The following RNF4 variants were observed in gnomAD, a reference collection of about 807,000 sequenced individuals.
RNF4 encodes the protein ring finger protein 4.
In RNF4, 7 loss-of-function variants were observed where a neutral mutation model predicts 24.3. The ratio of observed to expected loss-of-function variants is 0.29; its 90% CI spans 0.16 to 0.54. The LOEUF (loss-of-function observed/expected upper bound fraction) is 0.54, where lower values mean the gene tolerates loss of function less well. Among genes scored for constraint, RNF4 ranks in the 20% least tolerant of loss-of-function variants. The probability of loss-of-function intolerance (pLI) is 0.95; values close to 1 mark genes in which losing one functional copy is unlikely to be tolerated. For missense variants in RNF4, 209 were observed against 248.5 expected (o/e 0.84, Z 1.07); for synonymous variants, 83 against 84.3 (o/e 0.98, Z 0.09).
chr4:2,491,504 A>C (rs1712471370), intron 2 of RNF4, among the ~76,000 whole-genome samples: 1 of 152,018 alleles, frequency 6.6e-6, no homozygotes, highest in Admixed American at 6.6e-5. Context: ...GTACAGTGGT[A>C]CCATCTCGGC....
intron 4 of RNF4, among the ~76,000 whole-genome samples, chr4:2,508,265 C>T (rs964331139): frequency 2.0e-5 from 3 of 152,194 alleles, no homozygotes; most frequent in Non-Finnish European, 4.4e-5. Flanking sequence ...ATCTTAAAAG[C>T]CTCTCAAATA....
intron 1 of RNF4, chr4:2,489,908 G>C (rs1339523515): frequency 6.5e-6 from 1 of 152,948 alleles, no homozygotes; most frequent in East Asian, 1.9e-4. Context: ...GCTTTAGAGT[G>C]AGTGGCTCTT....
chr4:2,486,417 A>T (rs955215880), intron 1 of RNF4, among the ~76,000 whole-genome samples: 3 of 151,142 alleles, frequency 2.0e-5, no homozygotes, highest in African/African-American at 7.3e-5. Flanking sequence ...CTCCTGTCTC[A>T]CCTCAGTGCC....
intron 1 of RNF4, among the ~76,000 whole-genome samples, chr4:2,486,632 G>C (rs115079532): frequency 4.3e-4 from 66 of 152,296 alleles, no homozygotes; most frequent in African/African-American, 1.5e-3. Flanking sequence ...GGGCCTGCAG[G>C]GATGCAGGAG....
chr4:2,483,578 C>G (rs553132420), intron 1 of RNF4, among the ~76,000 whole-genome samples: 326 of 152,188 alleles, frequency 2.1e-3, no homozygotes, highest in African/African-American at 7.0e-3. Context: ...TCAAGGTGGG[C>G]AGATCACTTG....
At chr4:2,473,800 G>A (rs935079488) in intron 1 of RNF4, among the ~76,000 whole-genome samples, 1 of 151,742 alleles carries the variant, frequency 6.6e-6, no homozygotes, top group Admixed American at 6.6e-5. Flanking sequence ...GACAGAGCGA[G>A]ACTCTGTCTA....
chr4:2,491,936 T>C (rs888992828), intron 2 of RNF4, among the ~76,000 whole-genome samples: 1 of 151,264 alleles, frequency 6.6e-6, no homozygotes, highest in East Asian at 2.0e-4. Context: ...CGGTGGCTTA[T>C]GCCTGTAATC....
intron 2 of RNF4, among the ~76,000 whole-genome samples, chr4:2,491,563 C>T (rs183046346): frequency 3.9e-5 from 6 of 152,274 alleles, no homozygotes; most frequent in Admixed American, 2.0e-4. Context: ...CTGCCTCAGC[C>T]TCCGGAGTAG....
At chr4:2,476,866 C>A (rs1418311301) in intron 1 of RNF4, among the ~76,000 whole-genome samples, 1 of 151,554 alleles carries the variant, frequency 6.6e-6, no homozygotes, top group Non-Finnish European at 1.5e-5. Flanking sequence ...ACTTCAACCT[C>A]CACCTCCTGG....
chr4:2,479,359 A>G (rs1735178405), intron 1 of RNF4, among the ~76,000 whole-genome samples: 1 of 152,052 alleles, frequency 6.6e-6, no homozygotes, highest in Non-Finnish European at 1.5e-5. Flanking sequence ...AAATGTGAGG[A>G]CATAAGATTT....
intron 4 of RNF4, among the ~76,000 whole-genome samples, chr4:2,507,462 T>A (rs1457160620): frequency 1.3e-5 from 2 of 152,210 alleles, no homozygotes; most frequent in Non-Finnish European, 2.9e-5. Flanking sequence ...CTGCATGATG[T>A]GTGTAGCTGT....
chr4:2,500,877 A>C (rs938759810), intron 4 of RNF4, 139 bp downstream of exon 4: 34 of 710,068 alleles, frequency 4.8e-5, no homozygotes. Flanking sequence ...TGTGGAATTG[A>C]GCTTTTAGAA....
intron 2 of RNF4, chr4:2,490,868 AG>A (rs1735559094): frequency 5.7e-6 from 1 of 175,548 alleles, no homozygotes; most frequent in Non-Finnish European, 1.2e-5. Context: ...GGAGGCGTGA[AG>A]GTAAAAAGAT....
intron 2 of RNF4, 52 bp downstream of exon 2, chr4:2,490,554 C>A (rs1338786606): frequency 1.3e-5 from 20 of 1,568,422 alleles, no homozygotes; most frequent in Non-Finnish European, 1.7e-5. Flanking sequence ...AATTAACTAC[C>A]TTATTCCTTG....
chr4:2,486,293 G>T (rs1735405858), intron 1 of RNF4, among the ~76,000 whole-genome samples: 1 of 152,190 alleles, frequency 6.6e-6, no homozygotes, highest in Non-Finnish European at 1.5e-5. Flanking sequence ...ACTCTCACCT[G>T]CATGATCCAG....
chr4:2,511,856 C>A, intron 4 of RNF4, 100 bp from the exon 5 acceptor site: 1 of 1,230,974 alleles, frequency 8.1e-7, no homozygotes, highest in Non-Finnish European at 1.2e-6. Context: ...GAGGGTTCCA[C>A]AGAGGGTGTC....
At position 2,513,099 on chromosome 4, in the gene RNF4, A is replaced by T; in HGVS notation, c.391A>T (p.Ser131Cys). ...TGCTCTTAGGCCCTCAGGTACTGTCAGTTGTCCCATCTGCATGGACGGATA... is the reference window on the plus strand; with the variant it reads ...TGCTCTTAGGCCCTCAGGTACTGTCTGTTGTCCCATCTGCATGGACGGATA... Reference protein sequence around the residue: ...ATGLRPSGTVSCPICMDGYSE... With the variant: ...ATGLRPSGTVCCPICMDGYSE... Residue 131 changes from serine (S) to cysteine (C), a missense_variant, in exon 7 of 8, where the codon AGT becomes TGT. Transcript: ENST00000314289. 1 of 1,613,936 alleles carries T rather than the reference A, an allele frequency of 6.2e-7. No homozygotes were observed.
chr4:2,501,436 C>T (rs567119383), intron 4 of RNF4, among the ~76,000 whole-genome samples: 3 of 152,356 alleles, frequency 2.0e-5, no homozygotes, highest in African/African-American at 7.2e-5. Flanking sequence ...GCCCAGGAGG[C>T]TGCCTGTGTC....
At chr4:2,478,883 A>G (rs976444412) in intron 1 of RNF4, among the ~76,000 whole-genome samples, 2 of 152,230 alleles carry the variant, frequency 1.3e-5, no homozygotes, top group East Asian at 1.9e-4. Context: ...TCCACACCCC[A>G]GAATGATAGA....
Sources: gnomAD v4.1 joint callset for allele counts (sites outside exome capture counted in the v4.1 genomes callset) on GRCh38, gnomAD v4.1.1 for gene constraint, MANE v1.5 for transcripts, NCBI Gene and HGNC (gene_info 2026-07-23, HGNC 2026-07-21) for gene names.